Variants in FSCN2 observed in about 807,000 individuals in gnomAD.
FSCN2 encodes fascin actin-bundling protein 2, retinal, also known as fascin-2.
In FSCN2, 46 loss-of-function variants were observed where a neutral mutation model predicts 37.8. The observed-to-expected ratio is 1.22, with a 90% CI of 0.96 to 1.56. The LOEUF (loss-of-function observed/expected upper bound fraction) is 1.56, where lower values mean the gene tolerates loss of function less well. Among genes scored for constraint, FSCN2 ranks in the 40% most tolerant of loss-of-function variants. The pLI, the probability that FSCN2 is intolerant of heterozygous loss-of-function variation, is 0.00. For synonymous variants in FSCN2, 351 were observed against 309.4 expected (o/e 1.13, Z -1.41); for missense variants, 844 against 730.4 (o/e 1.16, Z -1.79).
At chr17:81,534,764 C>T (rs1329673226) in intron 1 of FSCN2, among the ~76,000 whole-genome samples, 1 of 151,846 alleles carries the variant, frequency 6.6e-6, no homozygotes, top group South Asian at 2.1e-4. Flanking sequence ...CAGCTGATTA[C>T]TGATTAGCAG....
Position 81,529,366 on chromosome 17 carries a change from G to A in FSCN2, c.826+9G>A, listed in dbSNP as rs2032473539. 2.0e-6 allele frequency: 3 copies of A among 1,527,988 alleles called. No individual in the cohort carries two copies. Among genetic ancestry groups the A allele is most frequent in the Admixed American group, 2.0e-5 (1 of 50,332 alleles). 94.7% of individuals were successfully genotyped at this position (1,527,988 alleles called of 1,614,324 possible). A position where few individuals can be genotyped will look rare whatever the true frequency, so the allele number is the denominator to read the frequency against. On this transcript the variant is annotated intron_variant, in intron 1 of 4. Coordinates refer to ENST00000417245, the MANE Select transcript of FSCN2 (RefSeq NM_012418.4). ...CGTCTCTGTGCGGCAAGGTAGGGAG[G>A]GCACAGGTGGCGACCTCCTGAGGGG...
chr17:81,534,989 T>C (rs2032800751), intron 1 of FSCN2, 63 bp from the exon 2 acceptor site: 13 of 1,303,670 alleles, frequency 1.0e-5, no homozygotes, highest in Non-Finnish European at 1.2e-5. Context: ...CCCCAAAATA[T>C]GCCCCCTCCC....
chr17:81,531,321 ATGGTGG>A (rs1568077143), intron 1 of FSCN2, among the ~76,000 whole-genome samples: 1 of 86,586 alleles, frequency 1.2e-5, no homozygotes, highest in Admixed American at 1.1e-4. Context: ...GGTGGTGATG[ATGGTGG>A]TGGTGGTGAT....
intron 3 of FSCN2, 73 bp downstream of exon 3, chr17:81,536,340 C>T: frequency 1.3e-6 from 2 of 1,525,502 alleles, no homozygotes; most frequent in Non-Finnish European, 1.8e-6. Flanking sequence ...CCAGACACCC[C>T]ATCTCCACCA....
chr17:81,517,501 C>T, the FSCN2 span, among the ~76,000 whole-genome samples: 1 of 152,200 alleles, frequency 6.6e-6, no homozygotes, highest in Non-Finnish European at 1.5e-5. Flanking sequence ...GCCTGACACC[C>T]AGGGGCTCAG....
intron 1 of FSCN2, 195 bp downstream of exon 1, chr17:81,529,552 C>T (rs1555670897): frequency 2.6e-6 from 2 of 760,602 alleles, no homozygotes; most frequent in Non-Finnish European, 4.8e-6. Flanking sequence ...GCCCAGGCGA[C>T]CCCCACTGAG....
chr17:81,520,708 C>G, the FSCN2 span, among the ~76,000 whole-genome samples: 1 of 152,224 alleles, frequency 6.6e-6, no homozygotes, highest in Non-Finnish European at 1.5e-5. Context: ...CACTGGATTC[C>G]TGATCCAGAG....
At chr17:81,517,115 CACAG>C in the FSCN2 span, among the ~76,000 whole-genome samples, 2 of 152,128 alleles carry the variant, frequency 1.3e-5, no homozygotes, top group African/African-American at 4.8e-5. Context: ...CTTGAATGCA[CACAG>C]ACACTCAGGC....
intron 1 of FSCN2, among the ~76,000 whole-genome samples, chr17:81,531,318 A>ATGGTGGTGATGG: frequency 2.5e-5 from 1 of 39,956 alleles, no homozygotes; most frequent in South Asian, 6.7e-4. Context: ...GGTGGTGGTG[A>ATGGTGGTGATGG]TGATGGTGGT....
chr17:81,516,657 G>C, the FSCN2 span, among the ~76,000 whole-genome samples: 1 of 152,214 alleles, frequency 6.6e-6, no homozygotes, highest in Non-Finnish European at 1.5e-5. Context: ...AAGGGACAAG[G>C]CCAGGGTCCC....
At chr17:81,531,678 A>ATAG (rs2032618645) in intron 1 of FSCN2, among the ~76,000 whole-genome samples, 1 of 60,328 alleles carries the variant, frequency 1.7e-5, no homozygotes, top group African/African-American at 7.9e-5. Context: ...GATGGTGATG[A>ATAG]TGATGGTGAT....
chr17:81,525,298 C>T (rs1286668716), upstream of FSCN2, among the ~76,000 whole-genome samples: 4 of 151,556 alleles, frequency 2.6e-5, no homozygotes, highest in African/African-American at 7.3e-5. Flanking sequence ...TGGTGGTGGG[C>T]GCCTGTAGTC....
intron 2 of FSCN2, among the ~76,000 whole-genome samples, chr17:81,535,662 TCCATCCCCA>T (rs1440713106): frequency 7.5e-4 from 3 of 4,010 alleles, no homozygotes; most frequent in Non-Finnish European, 1.5e-3. Flanking sequence ...CATCCCCATC[TCCATCCCCA>T]CCATCCCCAT....
chr17:81,532,047 ATGATGG>A (rs1298490428), intron 1 of FSCN2, among the ~76,000 whole-genome samples: 114 of 100,342 alleles, frequency 1.1e-3, no homozygotes, highest in Admixed American at 2.8e-3. Flanking sequence ...GATGATGGTG[ATGATGG>A]TGATGGTGAT....
At chr17:81,518,596 G>A in the FSCN2 span, among the ~76,000 whole-genome samples, 1 of 151,004 alleles carries the variant, frequency 6.6e-6, no homozygotes, top group Non-Finnish European at 1.5e-5. Flanking sequence ...CTCTCCGCAC[G>A]GACCCTCTCC....
chr17:81,517,137 C>A, the FSCN2 span, among the ~76,000 whole-genome samples: 1 of 151,968 alleles, frequency 6.6e-6, no homozygotes, highest in African/African-American at 2.4e-5. Flanking sequence ...GGCCGAGAGT[C>A]CCTCAACCCC....
chr17:81,531,561 GTGA>G (rs374470962), intron 1 of FSCN2, among the ~76,000 whole-genome samples: 14,721 of 125,432 alleles, frequency 0.12, 966 homozygotes, highest in Admixed American at 0.17. Flanking sequence ...GGCGATGATG[GTGA>G]TGATAGTGAT....
chr17:81,534,986 A>C, intron 1 of FSCN2, 66 bp from the exon 2 acceptor site: 1 of 1,289,064 alleles, frequency 7.8e-7, no homozygotes, highest in Non-Finnish European at 1.0e-6. Flanking sequence ...GCCCCCCAAA[A>C]TATGCCCCCT....
At chr17:81,520,049 G>C in the FSCN2 span, among the ~76,000 whole-genome samples, 1 of 152,216 alleles carries the variant, frequency 6.6e-6, no homozygotes, top group Non-Finnish European at 1.5e-5. Flanking sequence ...GCTGGGGACA[G>C]AGGCTTCTCC....
Sources: gnomAD v4.1 joint callset for allele counts (sites outside exome capture counted in the v4.1 genomes callset) on GRCh38, gnomAD v4.1.1 for gene constraint, MANE v1.5 for transcripts, NCBI Gene and HGNC (gene_info 2026-07-23, HGNC 2026-07-21) for gene names.